Variants in TASP1 observed in about 807,000 individuals in gnomAD.
The protein encoded by TASP1 is threonine aspartase 1.
Under a neutral mutation model 56.6 loss-of-function variants are expected in TASP1, and 16 were observed. The observed-to-expected ratio is 0.28, with a 90% CI of 0.19 to 0.43. The LOEUF is 0.43. Among genes scored for constraint, TASP1 ranks in the 20% least tolerant of loss-of-function variants. The pLI is 1.00. For synonymous variants in TASP1, 179 were observed against 184.2 expected (o/e 0.97, Z 0.23); for missense variants, 393 against 511.6 (o/e 0.77, Z 2.24).
chr20:13,374,565 G>A, the TASP1 span, among the ~76,000 whole-genome samples: 1 of 152,186 alleles, frequency 6.6e-6, no homozygotes, highest in South Asian at 2.1e-4. Flanking sequence ...AGCCAGGATT[G>A]TCTCGATCTC....
Position 13,399,810 on chromosome 20 carries a change from G to A in TASP1, c.1171-9358C>T, listed in dbSNP as rs567417804. 5.5e-4 allele frequency among the ~76,000 whole-genome samples: 84 copies of A among 152,222 alleles called. 1 individual carries two copies. The highest frequency in any genetic ancestry group is 1.9e-3 in the African/African-American group (79 of 41,546). ...ATTTCAGGGGAAAAGCCCAAATACT[G>A]ACCATGGATAAAAAACTATGTAATC... On this transcript the variant is annotated intron_variant, in intron 13 of 13. Coordinates refer to ENST00000337743, the MANE Select transcript of TASP1 (RefSeq NM_017714.3).
intron 13 of TASP1, among the ~76,000 whole-genome samples, chr20:13,394,151 G>A (rs1600664220): frequency 6.6e-6 from 1 of 151,374 alleles, no homozygotes; most frequent in African/African-American, 2.4e-5. Flanking sequence ...GGGTGTGGTG[G>A]TGCATGCCTG....
intron 10 of TASP1, among the ~76,000 whole-genome samples, chr20:13,518,376 C>T (rs1377353944): frequency 6.6e-6 from 1 of 152,060 alleles, no homozygotes; most frequent in East Asian, 1.9e-4. Context: ...TGCCAGAACA[C>T]TCTCAGAGAA....
At chr20:13,299,222 C>T in the TASP1 span, 1 of 1,600,686 alleles carries the variant, frequency 6.2e-7, no homozygotes, top group Non-Finnish European at 8.5e-7. The surrounding 1 kb of genome is among the most constrained non-coding windows in gnomAD (Gnocchi z 5.8). Flanking sequence ...AGCACTGCTG[C>T]TACGGCGACA....
intron 11 of TASP1, among the ~76,000 whole-genome samples, chr20:13,478,755 A>G (rs768459876): frequency 6.6e-6 from 1 of 152,168 alleles, no homozygotes; most frequent in Non-Finnish European, 1.5e-5. Flanking sequence ...TTGTAAATGT[A>G]TGTTCCAAAC....
At chr20:13,587,916 A>C (rs897067090) in intron 4 of TASP1, among the ~76,000 whole-genome samples, 2 of 152,098 alleles carry the variant, frequency 1.3e-5, no homozygotes, top group African/African-American at 4.8e-5. Flanking sequence ...ACTTGAGCCT[A>C]GCTGTTCAAG....
chr20:13,344,147 T>C, the TASP1 span, among the ~76,000 whole-genome samples: 1 of 152,242 alleles, frequency 6.6e-6, no homozygotes, highest in African/African-American at 2.4e-5. Flanking sequence ...GTGACACCAA[T>C]AGGACTCTCA....
the TASP1 span, among the ~76,000 whole-genome samples, chr20:13,328,217 C>T: frequency 6.6e-6 from 1 of 152,154 alleles, no homozygotes; most frequent in African/African-American, 2.4e-5. Context: ...AGCTCAACAT[C>T]CCTGATCATT....
Position 13,587,252 on chromosome 20 carries a change from C to G in TASP1, c.401G>C (p.Ser134Thr), listed in dbSNP as rs767238093. 1 of 1,609,888 alleles carries G rather than the reference C, an allele frequency of 6.2e-7. No homozygotes were observed. Among genetic ancestry groups the G allele is most frequent in the South Asian group, 1.1e-5 (1 of 90,150 alleles). The change falls in exon 5 of 14, where the codon AGT becomes ACT. Residue 134 changes from serine (S) to threonine (T), a missense_variant and splice_region_variant. Ser to Thr is a moderately conservative substitution (Grantham distance 58). Around this residue, in one of 3 missense-constraint regions of TASP1, gnomAD observed 293 missense variants for 354.2 expected, o/e 0.83. Coordinates refer to ENST00000337743, the MANE Select transcript of TASP1 (RefSeq NM_017714.3). ...AGTAGGTCATAATGCCCACATACCACTCAGTGCTCCAACTGCTCCAAAATT... is the reference window on the plus strand; with the variant it reads ...AGTAGGTCATAATGCCCACATACCAGTCAGTGCTCCAACTGCTCCAAAATT... Reference protein sequence around the residue: ...SLNFGAVGALSGIKNPVSVAN... With the variant: ...SLNFGAVGALTGIKNPVSVAN...
At chr20:13,165,099 TACACAC>T in the TASP1 span, 4 of 374,234 alleles carry the variant, frequency 1.1e-5, no homozygotes, top group Non-Finnish European at 1.4e-5. Flanking sequence ...CTACTAGAAA[TACACAC>T]ACACACACAC....
intron 4 of TASP1, among the ~76,000 whole-genome samples, chr20:13,609,264 G>C (rs1049380346): frequency 6.6e-6 from 1 of 152,116 alleles, no homozygotes; most frequent in Non-Finnish European, 1.5e-5. Context: ...CACAAGGACA[G>C]TTATGACGAC....
At chr20:13,294,832 T>C in the TASP1 span, among the ~76,000 whole-genome samples, 1 of 152,188 alleles carries the variant, frequency 6.6e-6, no homozygotes, top group Non-Finnish European at 1.5e-5. Context: ...AGAAGTGCTA[T>C]TTTTATGCCC....
In TASP1 at chr20:13,623,331, G is replaced by T. The variant is rs1201373802; in HGVS notation, c.282+115C>A. The T allele has an allele frequency of 8.4e-5, 62 of 737,820 alleles. No homozygotes were observed. The East Asian group carries it at 1.7e-3, about 20-fold the overall frequency. The allele number at this position is 737,820 out of a possible 1,614,324, so 45.7% of individuals were successfully genotyped here. A position where few individuals can be genotyped will look rare whatever the true frequency, so the allele number is the denominator to read the frequency against. On this transcript the variant is annotated intron_variant, in intron 4 of 13. Transcript: ENST00000337743. ...GCTTCTTCATAACTTTGCTAATATT[G>T]GTGGGAAACACTGCTCATATAATTT...
At chr20:13,107,260 A>G in the TASP1 span, among the ~76,000 whole-genome samples, 1 of 152,202 alleles carries the variant, frequency 6.6e-6, no homozygotes, top group Non-Finnish European at 1.5e-5. Flanking sequence ...TTCATCCTGA[A>G]GGTTGAGAAC....
At chr20:13,230,083 A>T in the TASP1 span, among the ~76,000 whole-genome samples, 1 of 152,170 alleles carries the variant, frequency 6.6e-6, no homozygotes, top group Non-Finnish European at 1.5e-5. Context: ...AAAAGGCATT[A>T]ATCTTTGAGG....
At chr20:13,505,035 C>T (rs1052435172) in intron 10 of TASP1, among the ~76,000 whole-genome samples, 2 of 151,906 alleles carry the variant, frequency 1.3e-5, no homozygotes, top group African/African-American at 4.8e-5. Flanking sequence ...TATATACACT[C>T]ACTAAAGCTT....
chr20:13,595,837 G>A (rs2047708205), intron 4 of TASP1, among the ~76,000 whole-genome samples: 2 of 152,094 alleles, frequency 1.3e-5, no homozygotes, highest in South Asian at 4.1e-4. Context: ...GGTTAACAAG[G>A]ATATCCAGGG....
intron 12 of TASP1, among the ~76,000 whole-genome samples, chr20:13,418,108 C>A (rs936222081): frequency 4.3e-4 from 65 of 152,134 alleles, no homozygotes; most frequent in Admixed American, 9.8e-4. Flanking sequence ...GACGGGGTTT[C>A]ACCATGTTGG....
chr20:13,455,519 T>C lies in TASP1; in HGVS notation c.986-20365A>G, dbSNP rs928539422. 3.9e-5 allele frequency among the ~76,000 whole-genome samples: 6 copies of C among 152,112 alleles called. No homozygotes were observed. The South Asian group carries it at 1.0e-3, about 26-fold the overall frequency. ...ACAAACATCAAACTTATGGTGAAGG[T>C]TGGGTGGGAGAATGGTGGAATCACT... is the stretch of plus-strand genomic sequence containing the variant. On this transcript the variant is annotated intron_variant, in intron 11 of 13. Coordinates refer to ENST00000337743, the MANE Select transcript of TASP1 (RefSeq NM_017714.3).
Sources: allele counts gnomAD v4.1 joint callset (sites outside exome capture counted in the v4.1 genomes callset), GRCh38; gene constraint gnomAD v4.1.1; regional missense constraint gnomAD v4.1.1; non-coding constraint Gnocchi (gnomAD v3.1); transcripts MANE v1.5; gene names NCBI Gene and HGNC (gene_info 2026-07-23, HGNC 2026-07-21).